Variants in FLT1 observed in about 807,000 individuals in gnomAD.
FLT1 encodes the protein vascular endothelial growth factor receptor 1.
A neutral mutation model predicts 156.3 loss-of-function variants in FLT1; 49 were observed. The observed-to-expected ratio is 0.31, with a 90% CI of 0.25 to 0.40. The LOEUF (loss-of-function observed/expected upper bound fraction) is 0.40. Among genes scored for constraint, FLT1 ranks in the 10% least tolerant of loss-of-function variants. The pLI, the probability that FLT1 is intolerant of heterozygous loss-of-function variation, is 1.00. For synonymous variants in FLT1, 594 were observed against 583.8 expected, an observed-to-expected ratio of 1.02 and a Z score of -0.25; for missense variants, 1,322 against 1,637.2, an observed-to-expected ratio of 0.81 and a Z score of 3.32.
At chr13:28,401,838 G>A (rs541053793) in intron 11 of FLT1, among the ~76,000 whole-genome samples, 8 of 152,212 alleles carry the variant, frequency 5.3e-5, no homozygotes, top group Admixed American at 5.2e-4. Flanking sequence ...CATTTCTCAA[G>A]GTACACTCAG....
intron 1 of FLT1, among the ~76,000 whole-genome samples, chr13:28,473,675 GA>G (rs1566050050): frequency 2.6e-5 from 3 of 115,480 alleles, no homozygotes; most frequent in African/African-American, 1.3e-4. Context: ...GAAAGAAAGA[GA>G]GAGAGAGAGA....
chr13:28,350,886 C>T (rs1019105411), intron 15 of FLT1, among the ~76,000 whole-genome samples: 3 of 151,586 alleles, frequency 2.0e-5, no homozygotes, highest in Non-Finnish European at 4.4e-5. Context: ...CTTCCCTCCT[C>T]CCTTTCTTCC....
chr13:28,425,592 T>G (rs1463263882), intron 10 of FLT1, among the ~76,000 whole-genome samples: 1 of 152,226 alleles, frequency 6.6e-6, no homozygotes, highest in Non-Finnish European at 1.5e-5. Flanking sequence ...TAGTTACTAG[T>G]TCTAATCCTA....
Position 28,300,719 on chromosome 13 carries a change from A to G in FLT1, c.*2448T>C, listed in dbSNP as rs1870480235. The G allele has an allele frequency of 1.7e-5, 4 of 233,182 alleles. No homozygotes were observed. The highest frequency in any genetic ancestry group is 3.4e-5 in the Non-Finnish European group (4 of 118,072). 14.4% of individuals were successfully genotyped at this position (233,182 alleles called of 1,614,324 possible). A position where few individuals can be genotyped will look rare whatever the true frequency, so the allele number is the denominator to read the frequency against. ...GTCACTTCTTGGACTGACAAGACAC[A>G]GACTTGCACATGGTTTCAGCCCCAT... On this transcript the variant is annotated 3_prime_UTR_variant, in exon 30 of 30. Transcript: ENST00000282397.
intron 12 of FLT1, 41 bp downstream of exon 12, chr13:28,396,919 A>G (rs1042874850): frequency 8.9e-6 from 10 of 1,123,162 alleles, no homozygotes; most frequent in Non-Finnish European, 1.4e-5. Context: ...AGAGAGAATG[A>G]AGTCACCAGG....
At chr13:28,341,354 C>A (rs1380208715) in intron 16 of FLT1, among the ~76,000 whole-genome samples, 1 of 152,166 alleles carries the variant, frequency 6.6e-6, no homozygotes, top group Non-Finnish European at 1.5e-5. Flanking sequence ...GTCTGCACAG[C>A]TAAGTGCTTC....
chr13:28,365,685 T>G (rs1029137518), intron 14 of FLT1, among the ~76,000 whole-genome samples: 1 of 152,162 alleles, frequency 6.6e-6, no homozygotes, highest in Non-Finnish European at 1.5e-5. Flanking sequence ...CTCTGCTTTG[T>G]GTTTCTGAGA....
At position 28,345,530 on chromosome 13, in the gene FLT1, A is replaced by G; in HGVS notation, c.2270T>C (p.Leu757Pro). ...TVQGTSDKSN[L>P]ELITLTCTCV... The stretch of plus-strand genomic sequence containing the variant: ...GGTGCATGTTAGAGTGATCAGCTCC[A>G]GATTAGACTTGTCCGAGGTTCCTGG... Residue 757 changes from leucine (L) to proline (P), a missense_variant, in exon 16 of 30, where the codon CTG becomes CCG. Transcript: ENST00000282397. The G allele has an allele frequency of 6.2e-7, 1 of 1,611,398 alleles. No homozygotes were observed. The highest frequency in any genetic ancestry group is 8.5e-7 in the Non-Finnish European group (1 of 1,178,028).
intron 3 of FLT1, among the ~76,000 whole-genome samples, chr13:28,444,551 C>T (rs1393572175): frequency 1.3e-5 from 2 of 152,180 alleles, no homozygotes; most frequent in Non-Finnish European, 2.9e-5. Context: ...ACACTTCACC[C>T]ATCACAGCAG....
At chr13:28,355,015 C>A (rs532820583) in intron 15 of FLT1, among the ~76,000 whole-genome samples, 3 of 152,184 alleles carry the variant, frequency 2.0e-5, no homozygotes, top group Non-Finnish European at 4.4e-5. Flanking sequence ...CATAGGAAGT[C>A]TAGAGGCATG....
intron 16 of FLT1, among the ~76,000 whole-genome samples, chr13:28,344,007 G>GCCCCCA (rs755479993): frequency 6.8e-6 from 1 of 146,072 alleles, no homozygotes; most frequent in Admixed American, 7.8e-5. Flanking sequence ...ATTCACTCTT[G>GCCCCCA]CCCCCCACCA....
chr13:28,350,198 G>A (rs1872696365), intron 15 of FLT1, among the ~76,000 whole-genome samples: 1 of 152,200 alleles, frequency 6.6e-6, no homozygotes. Context: ...TGGGTCTCAG[G>A]GACATGGCTC....
chr13:28,481,935 C>T (rs1163088395), intron 1 of FLT1, among the ~76,000 whole-genome samples: 1 of 152,114 alleles, frequency 6.6e-6, no homozygotes, highest in African/African-American at 2.4e-5. Flanking sequence ...TGAATACAAC[C>T]ATATCTATAC....
intron 10 of FLT1, among the ~76,000 whole-genome samples, chr13:28,421,799 T>A (rs75340955): frequency 6.6e-6 from 1 of 152,122 alleles, no homozygotes; most frequent in Admixed American, 6.6e-5. Context: ...TTTACAGTGA[T>A]TTTCTAAGTT....
At chr13:28,453,011 T>TCCCCCTCCC (rs1879041963) in intron 3 of FLT1, among the ~76,000 whole-genome samples, 2 of 6,998 alleles carry the variant, frequency 2.9e-4, no homozygotes, top group Non-Finnish European at 2.6e-4. Flanking sequence ...TTTCCTCCCC[T>TCCCCCTCCC]CCCCCTCCCC....
rs531594519 is a variant in FLT1 at position 28,318,897 on chromosome 13, T to C, written c.3286+526A>G. Among the ~76,000 whole-genome samples the C allele has an allele frequency of 4.7e-4, 72 of 152,330 alleles. 1 individual carries two copies. Among genetic ancestry groups the C allele is most frequent in the African/African-American group, 1.7e-3 (70 of 41,584 alleles). On this transcript the variant is annotated intron_variant, in intron 24 of 29. Coordinates refer to ENST00000282397, the MANE Select transcript of FLT1 (RefSeq NM_002019.4). Reference sequence around the variant, plus strand: ...GCAAGCAGAATAAATACAACCAGTGTTGTTTATTGCTTATCCTGTATAAAC... The same window carrying C: ...GCAAGCAGAATAAATACAACCAGTGCTGTTTATTGCTTATCCTGTATAAAC...
chr13:28,308,589 T>C (rs565762908), intron 28 of FLT1, among the ~76,000 whole-genome samples: 1 of 152,314 alleles, frequency 6.6e-6, no homozygotes, highest in East Asian at 1.9e-4. Context: ...AAACACACAA[T>C]GGAGTTTCCT....
chr13:28,459,262 A>T (rs1879431342), intron 3 of FLT1, among the ~76,000 whole-genome samples: 1 of 150,016 alleles, frequency 6.7e-6, no homozygotes, highest in African/African-American at 2.4e-5. Flanking sequence ...TGCATCCAGT[A>T]GGGATGTGAG....
At chr13:28,409,743 T>C (rs908423875) in intron 10 of FLT1, among the ~76,000 whole-genome samples, 5 of 152,188 alleles carry the variant, frequency 3.3e-5, no homozygotes, top group African/African-American at 1.2e-4. Context: ...ATGATATCCA[T>C]GTACTACCAT....
Sources: gnomAD v4.1 joint callset for allele counts (sites outside exome capture counted in the v4.1 genomes callset) on GRCh38, gnomAD v4.1.1 for gene constraint, MANE v1.5 for transcripts, NCBI Gene and HGNC (gene_info 2026-07-23, HGNC 2026-07-21) for gene names.